Variants in EPHB4 observed in about 807,000 individuals in gnomAD.
EPHB4 encodes the protein EPH receptor B4.
EPHB4 carries 50 observed loss-of-function variants against 110.6 expected under a neutral mutation model. The observed-to-expected ratio is 0.45, with a 90% CI of 0.36 to 0.57. The LOEUF (loss-of-function observed/expected upper bound fraction) is 0.57, where lower values mean the gene tolerates loss of function less well. EPHB4 is among the 20% of genes least tolerant of loss of function. The pLI, the probability that EPHB4 is intolerant of heterozygous loss-of-function variation, is 0.00. For synonymous variants in EPHB4, 592 were observed against 578.4 expected (o/e 1.02, Z -0.34); for missense variants, 1,128 against 1,382.1 (o/e 0.82, Z 2.91).
intron 12 of EPHB4, among the ~76,000 whole-genome samples, chr7:100,811,539 C>T (rs555047340): frequency 3.0e-4 from 45 of 151,998 alleles, no homozygotes; most frequent in African/African-American, 1.1e-3. Context: ...GGAGGATGAC[C>T]GGTGCGTAGA....
At chr7:100,826,943 G>A (rs1813416494) in intron 1 of EPHB4, 36 bp downstream of exon 1, 2 of 1,530,118 alleles carry the variant, frequency 1.3e-6, no homozygotes, top group South Asian at 1.2e-5. Flanking sequence ...GGTCCCAGGA[G>A]TGACGGGGTG....
rs1183346820 is a variant in EPHB4 at position 100,803,431 on chromosome 7, G to C, written c.*30C>G. On this transcript the variant is annotated 3_prime_UTR_variant, in exon 17 of 17. Coordinates refer to ENST00000358173, the MANE Select transcript of EPHB4 (RefSeq NM_004444.5). ...ACTCTGCCCCGGAAAATGGGGAGGC[G>C]GTGTCCCTGGGGTGGGGAGTTCCTG... 1 of 1,506,992 alleles carries C rather than the reference G, an allele frequency of 6.6e-7. No homozygotes were observed. The highest frequency in any genetic ancestry group is 1.3e-5 in the South Asian group (1 of 77,150). 93.4% of individuals were successfully genotyped at this position (1,506,992 alleles called of 1,614,324 possible).
intron 4 of EPHB4, among the ~76,000 whole-genome samples, chr7:100,820,686 TAGGAA>T (rs1456403138): frequency 3.3e-5 from 5 of 151,972 alleles, no homozygotes; most frequent in Non-Finnish European, 7.4e-5. Flanking sequence ...ACAAAATACA[TAGGAA>T]TACCAGGGAA....
At chr7:100,812,501 A>G (rs1298709372) in intron 12 of EPHB4, among the ~76,000 whole-genome samples, 1 of 152,094 alleles carries the variant, frequency 6.6e-6, no homozygotes, top group African/African-American at 2.4e-5. Context: ...AGGCAGGAGA[A>G]TCGCTTGAAC....
intron 1 of EPHB4, 79 bp downstream of exon 1, chr7:100,826,900 C>T (rs1049749267): frequency 6.7e-7 from 1 of 1,495,718 alleles, no homozygotes; most frequent in Non-Finnish European, 9.0e-7. Context: ...AGAGGCCGGC[C>T]CCTCCACTCC....
At chr7:100,823,563 C>T (rs1207464394) in intron 3 of EPHB4, 81 bp downstream of exon 3, 3 of 1,544,998 alleles carry the variant, frequency 1.9e-6, no homozygotes, top group Non-Finnish European at 2.6e-6. Context: ...CTCGCAACTA[C>T]ATCGGCTGCC....
At chr7:100,815,262 G>T (rs1813040894) in intron 8 of EPHB4, among the ~76,000 whole-genome samples, 1 of 152,130 alleles carries the variant, frequency 6.6e-6, no homozygotes, top group Non-Finnish European at 1.5e-5. Context: ...GGTTGAGGCT[G>T]CAGTGAGCTG....
chr7:100,822,706 T>A lies in EPHB4; in HGVS notation c.412-39A>T. On this transcript the variant is annotated intron_variant, in intron 3 of 16. Transcript: ENST00000358173. This position sits in a 1 kb window ranked among gnomAD's most constrained non-coding sequence, Gnocchi z 4.7. The stretch of plus-strand genomic sequence containing the variant: ...GGAGGCACACCGCTGCTGTCCCCAC[T>A]CCCTGAGGACCCAGCGGACTGTTGT... 6.7e-7 allele frequency: 1 copy of A among 1,494,964 alleles called. No individual in the cohort carries two copies. The highest frequency in any genetic ancestry group is 8.9e-7 in the Non-Finnish European group (1 of 1,118,318). 92.6% of individuals were successfully genotyped at this position (1,494,964 alleles called of 1,614,324 possible).
intron 8 of EPHB4, 71 bp from the exon 9 acceptor site, chr7:100,814,092 C>T: frequency 6.5e-7 from 1 of 1,543,264 alleles, no homozygotes; most frequent in South Asian, 1.2e-5. Flanking sequence ...CGGCTTTGAG[C>T]AATGAACTGT....
intron 10 of EPHB4, 54 bp downstream of exon 10, chr7:100,813,598 G>C: frequency 6.3e-7 from 1 of 1,597,386 alleles, no homozygotes; most frequent in Non-Finnish European, 8.6e-7. Context: ...TTATAGATAG[G>C]AGCCACCACA....
intron 4 of EPHB4, among the ~76,000 whole-genome samples, chr7:100,821,628 G>GAA (rs754869641): frequency 1.5e-5 from 2 of 135,692 alleles, no homozygotes; most frequent in Non-Finnish European, 3.2e-5. Context: ...ACTCTGTCTT[G>GAA]AAAAAAAAAA....
chr7:100,817,859 GTTTTTTTTTTT>G (rs33978512), intron 7 of EPHB4, among the ~76,000 whole-genome samples: 12 of 47,114 alleles, frequency 2.5e-4, no homozygotes, highest in South Asian at 2.5e-3. Context: ...TATTTTTTGC[GTTTTTTTTTTT>G]TTTTTTTTTT....
At chr7:100,814,182 G>A in intron 8 of EPHB4, 161 bp from the exon 9 acceptor site, 1 of 712,098 alleles carries the variant, frequency 1.4e-6, no homozygotes, top group Middle Eastern at 2.7e-4. Context: ...GGAACAAACA[G>A]TGGGTTTCAA....
At chr7:100,811,612 G>A (rs1019824836) in intron 12 of EPHB4, among the ~76,000 whole-genome samples, 17 of 152,036 alleles carry the variant, frequency 1.1e-4, no homozygotes, top group Non-Finnish European at 2.2e-4. Flanking sequence ...GCTCATGCCT[G>A]CAATCCCAGT....
chr7:100,817,798 G>A (rs1409104008), intron 7 of EPHB4, among the ~76,000 whole-genome samples: 5 of 150,900 alleles, frequency 3.3e-5, no homozygotes, highest in African/African-American at 9.7e-5. Flanking sequence ...CCAAAGTGCC[G>A]GGATTACAGG....
chr7:100,819,455 A>C, intron 6 of EPHB4, 102 bp downstream of exon 6: 1 of 1,354,952 alleles, frequency 7.4e-7, no homozygotes, highest in Non-Finnish European at 1.0e-6. Flanking sequence ...AGCCCCTCAC[A>C]CTTCCGGGGT....
At chr7:100,813,803 A>T in intron 9 of EPHB4, 87 bp from the exon 10 acceptor site, 1 of 1,606,274 alleles carries the variant, frequency 6.2e-7, no homozygotes, top group South Asian at 1.1e-5. Context: ...CAGGGATTGG[A>T]GAAGATTTCA....
chr7:100,814,334 A>G (rs1813016932), intron 8 of EPHB4, among the ~76,000 whole-genome samples: 1 of 152,208 alleles, frequency 6.6e-6, no homozygotes. Flanking sequence ...GCTGGAGTGC[A>G]GTGGCGCAAT....
chr7:100,817,440 A>G, intron 7 of EPHB4, 83 bp from the exon 8 acceptor site: 2 of 1,428,814 alleles, frequency 1.4e-6, no homozygotes, highest in Non-Finnish European at 1.8e-6. Context: ...CTCGCCCTCC[A>G]CTCCCATCAC....
Sources: allele counts gnomAD v4.1 joint callset (sites outside exome capture counted in the v4.1 genomes callset), GRCh38; gene constraint gnomAD v4.1.1; non-coding constraint Gnocchi (gnomAD v3.1); transcripts MANE v1.5; gene names NCBI Gene and HGNC (gene_info 2026-07-23, HGNC 2026-07-21).